Variants in KIF3C observed in about 807,000 individuals in gnomAD.
KIF3C encodes the protein kinesin family member 3C.
In KIF3C, 12 loss-of-function variants were observed where a neutral mutation model predicts 67.7. The observed-to-expected ratio is 0.18, with a 90% CI of 0.11 to 0.29. KIF3C has a LOEUF of 0.29. KIF3C is among the 10% of genes least tolerant of loss of function. The probability of loss-of-function intolerance (pLI) is 1.00; values close to 1 mark genes in which losing one functional copy is unlikely to be tolerated. For missense variants in KIF3C, 789 were observed against 1,059.6 expected (o/e 0.74, Z 3.55); for synonymous variants, 393 against 426.2 (o/e 0.92, Z 0.96).
Position 25,980,685 on chromosome 2 carries a change from C to T in KIF3C, c.1233G>A (p.Arg411=). 6.2e-7 allele frequency: 1 copy of T among 1,614,148 alleles called. No homozygotes were observed. The highest frequency in any genetic ancestry group is 8.5e-7 in the Non-Finnish European group (1 of 1,180,032). Residue 411 remains arginine, a synonymous_variant, in exon 1 of 8, where the codon AGG becomes AGA. Coordinates refer to ENST00000264712, the MANE Select transcript of KIF3C (RefSeq NM_002254.8). This position sits in a 1 kb window ranked among gnomAD's most constrained non-coding sequence, Gnocchi z 7.6. ...CAGGCGGGGCGGACACGGCCTTCTTCCTGCGGCTGCTCTTCCTCCGGGGCC... is the reference window on the plus strand; with the variant it reads ...CAGGCGGGGCGGACACGGCCTTCTTTCTGCGGCTGCTCTTCCTCCGGGGCC... ...GKRPRRKSSR[R]KKAVSAPPGY...
chr2:25,971,271 CAAA>C (rs35420433), intron 1 of KIF3C, among the ~76,000 whole-genome samples: 2 of 59,192 alleles, frequency 3.4e-5, no homozygotes, highest in Admixed American at 2.1e-4. Flanking sequence ...GACTCTGTCT[CAAA>C]AAAAAAAAAA....
chr2:25,974,138 C>A (rs143385717), intron 1 of KIF3C, among the ~76,000 whole-genome samples: 1 of 151,580 alleles, frequency 6.6e-6, no homozygotes, highest in East Asian at 1.9e-4. Flanking sequence ...GGTGTGATCT[C>A]GGCTCACTGC....
intron 5 of KIF3C, among the ~76,000 whole-genome samples, chr2:25,950,996 G>C (rs148910092): frequency 5.3e-5 from 8 of 152,126 alleles, no homozygotes; most frequent in African/African-American, 1.9e-4. Context: ...CCTCTTGCTA[G>C]CTTCCCATCC....
chr2:25,937,512 G>T (rs568228982), intron 5 of KIF3C, among the ~76,000 whole-genome samples: 1 of 152,218 alleles, frequency 6.6e-6, no homozygotes, highest in Admixed American at 6.5e-5. Flanking sequence ...GCAGCAAGGA[G>T]ACAGTCCTGC....
chr2:25,966,801 C>T (rs1664154325), intron 1 of KIF3C, among the ~76,000 whole-genome samples: 1 of 152,252 alleles, frequency 6.6e-6, no homozygotes, highest in African/African-American at 2.4e-5. Context: ...ACAGGAGTCT[C>T]AGATGCAACT....
At chr2:25,959,856 G>GAGA (rs771475432) in intron 1 of KIF3C, among the ~76,000 whole-genome samples, 1 of 152,146 alleles carries the variant, frequency 6.6e-6, no homozygotes, top group Non-Finnish European at 1.5e-5. Flanking sequence ...TGAGAGAAAA[G>GAGA]AGAAGAACCA....
chr2:25,938,357 C>A (rs1204515536), intron 5 of KIF3C: 212 of 327,812 alleles, frequency 6.5e-4, no homozygotes, highest in Middle Eastern at 8.9e-4. Context: ...GTCTGAGTCT[C>A]AAAAAAAAAA....
chr2:25,960,194 A>G (rs368123049), intron 1 of KIF3C, among the ~76,000 whole-genome samples: 1 of 152,016 alleles, frequency 6.6e-6, no homozygotes, highest in East Asian at 1.9e-4. Flanking sequence ...GCTTGAGCCC[A>G]GGGGTTCAAG....
intron 5 of KIF3C, among the ~76,000 whole-genome samples, chr2:25,934,564 A>G (rs1206445464): frequency 6.6e-6 from 1 of 151,686 alleles, no homozygotes; most frequent in East Asian, 1.9e-4. Flanking sequence ...TGGGAGACAG[A>G]GCGAGACTCC....
At chr2:25,932,242 C>T (rs1057418018) in intron 5 of KIF3C, among the ~76,000 whole-genome samples, 7 of 151,308 alleles carry the variant, frequency 4.6e-5, no homozygotes, top group Admixed American at 1.3e-4. Flanking sequence ...CCTCATGATC[C>T]GCCCACCTCA....
intron 1 of KIF3C, among the ~76,000 whole-genome samples, chr2:25,962,880 A>AAT (rs1325412954): frequency 1.6e-5 from 1 of 62,252 alleles, no homozygotes; most frequent in South Asian, 3.5e-4. Flanking sequence ...TAATATATAA[A>AAT]ATATATATAA....
intron 5 of KIF3C, chr2:25,934,233 A>G (rs2090486305): frequency 4.3e-6 from 2 of 464,508 alleles, no homozygotes; most frequent in South Asian, 3.2e-5. Context: ...TTTGAGGAGA[A>G]TGAGGAGTAA....
At position 25,973,145 on chromosome 2, in the gene KIF3C, C is replaced by T. The variant is rs141769794; in HGVS notation, c.1545+7228G>A. Among the ~76,000 whole-genome samples the T allele has an allele frequency of 3.3e-3, 509 of 152,282 alleles. 4 individuals are homozygous for T. Among genetic ancestry groups the T allele is most frequent in the African/African-American group, 0.012 (485 of 41,548 alleles). The stretch of plus-strand genomic sequence containing the variant: ...GGATTCTGAAGATCATCTGGTTCAA[C>T]GGCTTTCCTGATATATCAAGCCCTT... On this transcript the variant is annotated intron_variant, in intron 1 of 7. Transcript: ENST00000264712.
At chr2:25,971,247 G>C (rs1664276740) in intron 1 of KIF3C, among the ~76,000 whole-genome samples, 1 of 148,066 alleles carries the variant, frequency 6.8e-6, no homozygotes, top group African/African-American at 2.5e-5. Flanking sequence ...ACTCCAGCTT[G>C]GGTGACAGAG....
At chr2:25,962,787 TAA>T (rs1214416130) in intron 1 of KIF3C, among the ~76,000 whole-genome samples, 1 of 91,846 alleles carries the variant, frequency 1.1e-5, no homozygotes, top group East Asian at 2.3e-4. Flanking sequence ...GTTATATATA[TAA>T]TATATATTAT....
At chr2:25,939,768 C>T (rs1414048968) in intron 5 of KIF3C, among the ~76,000 whole-genome samples, 1 of 151,950 alleles carries the variant, frequency 6.6e-6, no homozygotes, top group Non-Finnish European at 1.5e-5. Flanking sequence ...GCCTGGCCAA[C>T]ATTGAAACCC....
intron 5 of KIF3C, among the ~76,000 whole-genome samples, chr2:25,944,893 G>A (rs1224944394): frequency 6.6e-6 from 1 of 152,098 alleles, no homozygotes; most frequent in Non-Finnish European, 1.5e-5. Context: ...CACTTTGGGA[G>A]GCTGAGGTGA....
intron 5 of KIF3C, among the ~76,000 whole-genome samples, chr2:25,939,347 G>A (rs1663227284): frequency 6.6e-6 from 1 of 152,118 alleles, no homozygotes; most frequent in South Asian, 2.1e-4. Context: ...ATTCAACACT[G>A]ACAGTCAGGC....
intron 5 of KIF3C, chr2:25,938,437 C>T: frequency 2.8e-6 from 1 of 361,766 alleles, no homozygotes. Context: ...GGGTTCCCCC[C>T]AAGGACTCTA....
Sources: gnomAD v4.1 joint callset for allele counts (sites outside exome capture counted in the v4.1 genomes callset) on GRCh38, gnomAD v4.1.1 for gene constraint, Gnocchi (gnomAD v3.1) non-coding constraint, MANE v1.5 for transcripts, NCBI Gene and HGNC (gene_info 2026-07-23, HGNC 2026-07-21) for gene names.